Variants in ROBO1 observed in about 807,000 individuals in gnomAD.
The protein encoded by ROBO1 is roundabout homolog 1.
In ROBO1, 149 loss-of-function variants were observed where a neutral mutation model predicts 195.9. That is an observed-to-expected ratio of 0.76 (90% CI 0.67 to 0.87). The LOEUF (loss-of-function observed/expected upper bound fraction) is 0.87. ROBO1 is among the 40% of genes least tolerant of loss of function. The probability of loss-of-function intolerance (pLI) is 0.00; values close to 1 mark genes in which losing one functional copy is unlikely to be tolerated. For synonymous variants in ROBO1, 816 were observed against 733.2 expected (o/e 1.11, Z -1.82); for missense variants, 1,933 against 2,068.3 (o/e 0.93, Z 1.27).
intron 9 of ROBO1, among the ~76,000 whole-genome samples, chr3:78,687,193 G>A (rs1298953879): frequency 6.6e-6 from 1 of 152,152 alleles, no homozygotes; most frequent in African/African-American, 2.4e-5. Flanking sequence ...CTTTTAAGAA[G>A]AGGTTCCAGT....
chr3:79,321,531 T>A (rs924384838), intron 2 of ROBO1, among the ~76,000 whole-genome samples: 6 of 152,186 alleles, frequency 3.9e-5, no homozygotes, highest in Non-Finnish European at 7.4e-5. Flanking sequence ...TTCCTTTTCC[T>A]CTTCGTCATT....
chr3:79,527,947 C>A (rs1204761132), intron 2 of ROBO1: 1 of 152,304 alleles, frequency 6.6e-6, no homozygotes, highest in East Asian at 1.9e-4. Context: ...TCGGGCCCCT[C>A]TACAAGGTGT....
intron 1 of ROBO1, among the ~76,000 whole-genome samples, chr3:79,750,972 T>C (rs1386801610): frequency 6.6e-6 from 1 of 152,200 alleles, no homozygotes; most frequent in Non-Finnish European, 1.5e-5. Context: ...ACTTGGTTGT[T>C]CTAAAATTAA....
intron 2 of ROBO1, among the ~76,000 whole-genome samples, chr3:79,351,745 T>C (rs1456934007): frequency 1.3e-5 from 2 of 152,162 alleles, no homozygotes; most frequent in African/African-American, 4.8e-5. Flanking sequence ...AAGCTGACTA[T>C]CCAGTGAATT....
intron 5 of ROBO1, among the ~76,000 whole-genome samples, chr3:78,746,507 A>T (rs1259219638): frequency 6.6e-6 from 1 of 152,210 alleles, no homozygotes; most frequent in East Asian, 1.9e-4. Context: ...TGAGACACTA[A>T]AACAGGAATT....
chr3:79,444,740 A>G (rs2039181750), intron 2 of ROBO1, among the ~76,000 whole-genome samples: 1 of 152,108 alleles, frequency 6.6e-6, no homozygotes, highest in Admixed American at 6.5e-5. Context: ...ATGGACACAT[A>G]AAATGTAGTA....
intron 4 of ROBO1, among the ~76,000 whole-genome samples, chr3:78,836,057 T>C (rs754590766): frequency 6.6e-5 from 10 of 152,206 alleles, no homozygotes; most frequent in South Asian, 2.1e-4. Context: ...CCTAAATCAA[T>C]TGATGTCTCT....
At chr3:79,524,231 A>G (rs1333182040) in intron 2 of ROBO1, among the ~76,000 whole-genome samples, 7 of 151,934 alleles carry the variant, frequency 4.6e-5, no homozygotes, top group Non-Finnish European at 1.0e-4. Flanking sequence ...GAAATTTTTA[A>G]TAATATAAAT....
intron 2 of ROBO1, among the ~76,000 whole-genome samples, chr3:79,550,121 T>A (rs1942422776): frequency 8.0e-6 from 1 of 125,024 alleles, no homozygotes; most frequent in Admixed American, 8.9e-5. Context: ...CAAGACTCCA[T>A]CTCCAAAGGA....
At chr3:79,591,192 T>C (rs1358324917) in intron 1 of ROBO1, among the ~76,000 whole-genome samples, 1 of 151,852 alleles carries the variant, frequency 6.6e-6, no homozygotes, top group Admixed American at 6.6e-5. Context: ...AAAAGTAATT[T>C]GTCCACCTCA....
At chr3:79,111,045 G>A (rs1239323423) in intron 3 of ROBO1, among the ~76,000 whole-genome samples, 1 of 152,078 alleles carries the variant, frequency 6.6e-6, no homozygotes, top group African/African-American at 2.4e-5. Flanking sequence ...AGAAAACTCA[G>A]TGATTTCTAC....
chr3:79,021,650 GAT>G (rs1491347474), intron 3 of ROBO1, among the ~76,000 whole-genome samples: 52 of 110,584 alleles, frequency 4.7e-4, no homozygotes, highest in African/African-American at 1.8e-3. Flanking sequence ...TCCTAGAGAT[GAT>G]TTTTTTTTTT....
chr3:78,963,809 G>A (rs182881851), intron 3 of ROBO1, among the ~76,000 whole-genome samples: 17 of 152,178 alleles, frequency 1.1e-4, no homozygotes, highest in Non-Finnish European at 2.1e-4. Context: ...GAGCCACAGC[G>A]CCCCTCCCCT....
chr3:79,512,920 G>C (rs1181916968), intron 2 of ROBO1: 2 of 152,086 alleles, frequency 1.3e-5, no homozygotes, highest in South Asian at 4.1e-4. Context: ...AAGAGAAACA[G>C]AAAAAGTCAT....
intron 20 of ROBO1, 25 bp downstream of exon 20, chr3:78,647,604 G>A: frequency 6.2e-7 from 1 of 1,605,064 alleles, no homozygotes. Flanking sequence ...CAATGGAAAG[G>A]AGGAGGGTAA....
chr3:78,949,732 G>A (rs369142795), intron 3 of ROBO1, among the ~76,000 whole-genome samples: 21 of 152,146 alleles, frequency 1.4e-4, no homozygotes, highest in African/African-American at 3.4e-4. Context: ...GCAACCTACA[G>A]AATGGGAGAA....
At chr3:78,832,408 C>T (rs2032307796) in intron 4 of ROBO1, among the ~76,000 whole-genome samples, 1 of 152,132 alleles carries the variant, frequency 6.6e-6, no homozygotes, top group African/African-American at 2.4e-5. Context: ...ATTACTGGGC[C>T]ACAGAGACCT....
At chr3:79,058,643 A>C (rs2078857836) in intron 3 of ROBO1, among the ~76,000 whole-genome samples, 1 of 152,060 alleles carries the variant, frequency 6.6e-6, no homozygotes, top group Non-Finnish European at 1.5e-5. Flanking sequence ...GGGAAATATC[A>C]AAATTTGGAT....
intron 1 of ROBO1, among the ~76,000 whole-genome samples, chr3:79,676,507 T>C (rs779713611): frequency 3.9e-5 from 6 of 151,972 alleles, no homozygotes; most frequent in Admixed American, 2.0e-4. Context: ...CGGGTTGTGG[T>C]ATAATTTATT....
Sources: gnomAD v4.1 joint callset for allele counts (sites outside exome capture counted in the v4.1 genomes callset) on GRCh38, gnomAD v4.1.1 for gene constraint, MANE v1.5 for transcripts, NCBI Gene and HGNC (gene_info 2026-07-23, HGNC 2026-07-21) for gene names.